The following DIP2C variants were observed in gnomAD, a reference collection of about 807,000 sequenced individuals.
The protein encoded by DIP2C is disco-interacting protein 2 homolog C.
DIP2C carries 33 observed loss-of-function variants against 192.4 expected under a neutral mutation model. The observed-to-expected ratio is 0.17, with a 90% CI of 0.13 to 0.23. The LOEUF (loss-of-function observed/expected upper bound fraction) is 0.23. Ranked by LOEUF, DIP2C falls within the 10% of genes least tolerant of loss-of-function variation. The pLI is 1.00. For synonymous variants in DIP2C, 979 were observed against 864.1 expected (o/e 1.13, Z -2.33); for missense variants, 1,537 against 2,110.1 (o/e 0.73, Z 5.32).
At position 433,794 on chromosome 10, in the gene DIP2C, T is replaced by C. The variant is rs187475214; in HGVS notation, c.394+7077A>G. On this transcript the variant is annotated intron_variant, in intron 4 of 36. Transcript: ENST00000280886. Reference sequence around the variant, plus strand: ...AAGTAGATTTCTTATATAGACAATATATAGTTGGGTGCATTTAGACTGACA... The same window carrying C: ...AAGTAGATTTCTTATATAGACAATACATAGTTGGGTGCATTTAGACTGACA... 4.6e-5 allele frequency among the ~76,000 whole-genome samples: 7 copies of C among 152,358 alleles called. No homozygotes were observed. In the East Asian group the frequency reaches 1.2e-3, roughly 25 times the overall value.
intron 1 of DIP2C, among the ~76,000 whole-genome samples, chr10:525,540 C>A (rs1846999799): frequency 6.6e-6 from 1 of 152,206 alleles, no homozygotes; most frequent in Non-Finnish European, 1.5e-5. Flanking sequence ...AAAATTCGAG[C>A]TGATTGGAAC....
chr10:577,608 T>C (rs1166389291), intron 1 of DIP2C, among the ~76,000 whole-genome samples: 1 of 152,196 alleles, frequency 6.6e-6, no homozygotes, highest in East Asian at 1.9e-4. Context: ...GCCCCAGCCC[T>C]GCCATCAGCC....
intron 1 of DIP2C, among the ~76,000 whole-genome samples, chr10:544,168 C>T (rs556292317): frequency 3.3e-5 from 5 of 150,308 alleles, no homozygotes; most frequent in Admixed American, 2.0e-4. Context: ...CCTTTGGTGC[C>T]GGCATCTTTC....
chr10:648,887 G>A (rs957975137), intron 1 of DIP2C, among the ~76,000 whole-genome samples: 2 of 150,550 alleles, frequency 1.3e-5, no homozygotes, highest in Middle Eastern at 3.7e-3. Flanking sequence ...TTGAGGGTGG[G>A]AGAGAACAGA....
intron 35 of DIP2C, among the ~76,000 whole-genome samples, chr10:282,388 A>G (rs891597650): frequency 1.3e-5 from 2 of 152,232 alleles, no homozygotes; most frequent in African/African-American, 4.8e-5. Context: ...ATGTCATGCC[A>G]GGATATTTCT....
At chr10:664,586 T>C (rs953702077) in intron 1 of DIP2C, 2 of 152,366 alleles carry the variant, frequency 1.3e-5, no homozygotes, top group Middle Eastern at 6.8e-3. Context: ...CATTGTTATA[T>C]GTCCGGGTTA....
At chr10:523,302 ACT>A (rs1846832857) in intron 1 of DIP2C, among the ~76,000 whole-genome samples, 1 of 144,994 alleles carries the variant, frequency 6.9e-6, no homozygotes, top group African/African-American at 2.6e-5. Flanking sequence ...GGATGCAGGG[ACT>A]CTGTGTGACC....
chr10:419,749 C>T (rs894343264), intron 5 of DIP2C, among the ~76,000 whole-genome samples: 1 of 152,226 alleles, frequency 6.6e-6, no homozygotes, highest in East Asian at 1.9e-4. Flanking sequence ...AAGGGGGAGA[C>T]ATCAAGAACT....
Position 689,400 on chromosome 10 carries a change from C to T in DIP2C, c.85+94G>A. 1.5e-5 allele frequency: 11 copies of T among 745,994 alleles called. No individual in the cohort carries two copies. The highest frequency in any genetic ancestry group is 1.8e-5 in the Non-Finnish European group (11 of 608,314). 46.2% of individuals were successfully genotyped at this position (745,994 alleles called of 1,614,324 possible). A position where few individuals can be genotyped will look rare whatever the true frequency, so the allele number is the denominator to read the frequency against. ...GTCGCACCTCCCCCTCCGGGCCCGG[C>T]CCCCGCCCCGCCGCAGGCCCCGCGC... On this transcript the variant is annotated intron_variant, in intron 1 of 36. Coordinates refer to ENST00000280886, the MANE Select transcript of DIP2C (RefSeq NM_014974.3). The surrounding 1 kb of genome is among the most constrained non-coding windows in gnomAD (Gnocchi z 6.1).
chr10:573,477 C>A (rs1849952977), intron 1 of DIP2C, among the ~76,000 whole-genome samples: 1 of 152,234 alleles, frequency 6.6e-6, no homozygotes, highest in Non-Finnish European at 1.5e-5. Context: ...GGCGCCATCT[C>A]CACTCACTGC....
At chr10:417,725 TCTGCCTGCGCCTG>T (rs1965782838) in intron 6 of DIP2C, among the ~76,000 whole-genome samples, 1 of 138,304 alleles carries the variant, frequency 7.2e-6, no homozygotes, top group Non-Finnish European at 1.6e-5. Flanking sequence ...GGCCTCCCTG[TCTGCCTGCGCCTG>T]TCAGGGCTCG....
chr10:392,371 A>G (rs1343824535), intron 10 of DIP2C, among the ~76,000 whole-genome samples: 1 of 152,204 alleles, frequency 6.6e-6, no homozygotes, highest in Non-Finnish European at 1.5e-5. Flanking sequence ...CCAGGAGCCA[A>G]CCTTTCGCTA....
intron 17 of DIP2C, among the ~76,000 whole-genome samples, chr10:375,893 G>T (rs1365781443): frequency 2.0e-5 from 3 of 151,968 alleles, no homozygotes; most frequent in Admixed American, 6.6e-5. Flanking sequence ...TCTTATACGG[G>T]CGATCTCCAA....
intron 1 of DIP2C, among the ~76,000 whole-genome samples, chr10:542,994 C>T (rs553982396): frequency 6.6e-6 from 1 of 152,202 alleles, no homozygotes; most frequent in African/African-American, 2.4e-5. Context: ...TCCTCAGCAC[C>T]AGGAAAAGTC....
chr10:553,299 C>A (rs1383466575), intron 1 of DIP2C, among the ~76,000 whole-genome samples: 1 of 152,192 alleles, frequency 6.6e-6, no homozygotes, highest in Non-Finnish European at 1.5e-5. Flanking sequence ...CTGCAGAAAT[C>A]AGCTGGGAAG....
chr10:515,587 G>A (rs1846301407), intron 1 of DIP2C, among the ~76,000 whole-genome samples: 1 of 152,102 alleles, frequency 6.6e-6, no homozygotes, highest in Non-Finnish European at 1.5e-5. Flanking sequence ...AGCCAAGCGT[G>A]GTGGCATACA....
intron 1 of DIP2C, chr10:649,961 G>T: frequency 1.6e-6 from 1 of 614,630 alleles, no homozygotes; most frequent in Non-Finnish European, 2.9e-6. Flanking sequence ...ACATCAAAAC[G>T]GAAAAGGAAA....
At chr10:397,941 G>C (rs1275060255) in intron 10 of DIP2C, among the ~76,000 whole-genome samples, 1 of 152,150 alleles carries the variant, frequency 6.6e-6, no homozygotes, top group East Asian at 1.9e-4. Context: ...TTGAAATTCA[G>C]ACACAGTTGA....
chr10:622,267 AGGAGG>A, intron 1 of DIP2C, among the ~76,000 whole-genome samples: 1 of 103,320 alleles, frequency 9.7e-6, no homozygotes, highest in African/African-American at 3.7e-5. Flanking sequence ...AGGGGGAGGG[AGGAGG>A]GGGAGGGAGG....
Sources: gnomAD v4.1 joint callset for allele counts (sites outside exome capture counted in the v4.1 genomes callset) on GRCh38, gnomAD v4.1.1 for gene constraint, Gnocchi (gnomAD v3.1) non-coding constraint, MANE v1.5 for transcripts, NCBI Gene and HGNC (gene_info 2026-07-23, HGNC 2026-07-21) for gene names.